Variants in PIP4K2A observed in about 807,000 individuals in gnomAD.
The protein encoded by PIP4K2A is phosphatidylinositol-5-phosphate 4-kinase type 2 alpha.
In PIP4K2A, 14 loss-of-function variants were observed where a neutral mutation model predicts 42.9. The observed-to-expected ratio is 0.33, with a 90% CI of 0.22 to 0.51. The LOEUF (loss-of-function observed/expected upper bound fraction) is 0.51. Among genes scored for constraint, PIP4K2A ranks in the 20% least tolerant of loss-of-function variants. The pLI is 0.97. For synonymous variants in PIP4K2A, 192 were observed against 192.2 expected (o/e 1.00, Z 0.01); for missense variants, 434 against 519.8 (o/e 0.83, Z 1.61).
chr10:22,699,492 G>A (rs1208568723), intron 1 of PIP4K2A, among the ~76,000 whole-genome samples: 1 of 151,784 alleles, frequency 6.6e-6, no homozygotes, highest in Non-Finnish European at 1.5e-5. Flanking sequence ...TAGATACCTG[G>A]GAATGTGCGA....
At chr10:22,574,897 G>A (rs1259623798) in intron 4 of PIP4K2A, among the ~76,000 whole-genome samples, 1 of 152,128 alleles carries the variant, frequency 6.6e-6, no homozygotes, top group Non-Finnish European at 1.5e-5. Flanking sequence ...GGGGTTCTTG[G>A]CCTCTGTAGA....
intron 4 of PIP4K2A, among the ~76,000 whole-genome samples, chr10:22,582,188 T>C (rs939571083): frequency 9.2e-5 from 14 of 152,192 alleles, no homozygotes; most frequent in Admixed American, 8.5e-4. Flanking sequence ...CTCAGAACTT[T>C]TTCCTGTACT....
chr10:22,619,913 AG>A (rs1431163065), intron 1 of PIP4K2A, among the ~76,000 whole-genome samples: 1 of 152,250 alleles, frequency 6.6e-6, no homozygotes, highest in East Asian at 1.9e-4. Context: ...CTGATATCAA[AG>A]GTGAGTAGGA....
At chr10:22,567,695 T>C in intron 6 of PIP4K2A, 156 bp downstream of exon 6, 1 of 778,668 alleles carries the variant, frequency 1.3e-6, no homozygotes, top group Non-Finnish European at 2.4e-6. Flanking sequence ...AGAACTCTCA[T>C]CGGGTCAATA....
chr10:22,555,725 A>G (rs1400277506), intron 6 of PIP4K2A, among the ~76,000 whole-genome samples: 1 of 152,078 alleles, frequency 6.6e-6, no homozygotes, highest in African/African-American at 2.4e-5. Flanking sequence ...GGGTCTTTAA[A>G]CTTAGGATAC....
chr10:22,618,025 A>C (rs45483795), intron 1 of PIP4K2A, among the ~76,000 whole-genome samples: 1 of 152,228 alleles, frequency 6.6e-6, no homozygotes, highest in Non-Finnish European at 1.5e-5. Flanking sequence ...TGACTATTCT[A>C]GATACTACTG....
intron 6 of PIP4K2A, among the ~76,000 whole-genome samples, chr10:22,552,922 G>A (rs1456892012): frequency 6.6e-6 from 1 of 152,146 alleles, no homozygotes; most frequent in Non-Finnish European, 1.5e-5. Flanking sequence ...CCTGAAGGCA[G>A]AGATGACAGA....
chr10:22,604,441 C>T (rs933313672), intron 3 of PIP4K2A, among the ~76,000 whole-genome samples: 5 of 151,806 alleles, frequency 3.3e-5, no homozygotes, highest in Non-Finnish European at 7.4e-5. Context: ...GGTCTGAATA[C>T]GAGATAAACC....
chr10:22,612,996 C>T (rs775794666), intron 1 of PIP4K2A, among the ~76,000 whole-genome samples: 1 of 151,978 alleles, frequency 6.6e-6, no homozygotes, highest in Non-Finnish European at 1.5e-5. Flanking sequence ...TCTTCAAGAA[C>T]GGGAATGTTT....
chr10:22,585,147 C>G (rs1441341647), intron 4 of PIP4K2A, among the ~76,000 whole-genome samples: 1 of 152,156 alleles, frequency 6.6e-6, no homozygotes, highest in Non-Finnish European at 1.5e-5. Context: ...CTTTTATGGT[C>G]CCTATTTTCT....
At chr10:22,618,764 T>C (rs755808450) in intron 1 of PIP4K2A, among the ~76,000 whole-genome samples, 1 of 152,176 alleles carries the variant, frequency 6.6e-6, no homozygotes, top group African/African-American at 2.4e-5. Flanking sequence ...AACACAGTAG[T>C]AGGCTGCCTG....
intron 1 of PIP4K2A, among the ~76,000 whole-genome samples, chr10:22,653,382 C>T (rs1001020114): frequency 1.3e-5 from 2 of 152,124 alleles, no homozygotes; most frequent in Non-Finnish European, 2.9e-5. Context: ...ACCGTAAGAC[C>T]CTGGGCCACT....
chr10:22,627,125 C>T (rs1000139263), intron 1 of PIP4K2A, among the ~76,000 whole-genome samples: 12 of 152,138 alleles, frequency 7.9e-5, no homozygotes, highest in East Asian at 3.8e-4. Flanking sequence ...GAGAATTAGA[C>T]GTCAGAGAAT....
intron 1 of PIP4K2A, among the ~76,000 whole-genome samples, chr10:22,623,062 A>G (rs945902527): frequency 2.0e-5 from 3 of 152,226 alleles, no homozygotes; most frequent in African/African-American, 4.8e-5. Context: ...ACCGGGGCAA[A>G]TAATTATGTA....
chr10:22,666,428 G>A (rs1173216724), intron 1 of PIP4K2A, among the ~76,000 whole-genome samples: 1 of 152,156 alleles, frequency 6.6e-6, no homozygotes, highest in Non-Finnish European at 1.5e-5. Context: ...ATCTACCAAA[G>A]AAAAGGAACA....
rs188700286 is a variant in PIP4K2A, at chr10:22,542,662, C to A, written c.793-615G>T. On this transcript the variant is annotated intron_variant, in intron 7 of 9. Transcript: ENST00000376573. ...CCTGTCCTCCCTCTCCTCCTCCAGC[C>A]GTGGCTAGAACATAATGTGGGGGCA... 2.0e-5 allele frequency among the ~76,000 whole-genome samples: 3 copies of A among 152,340 alleles called. No individual in the cohort carries two copies. In the East Asian group the frequency reaches 5.8e-4, roughly 29 times the overall value.
At chr10:22,677,091 G>T (rs1201250465) in intron 1 of PIP4K2A, among the ~76,000 whole-genome samples, 1 of 152,136 alleles carries the variant, frequency 6.6e-6, no homozygotes, top group Non-Finnish European at 1.5e-5. Context: ...TATCATCTGT[G>T]AATTTCATAT....
intron 1 of PIP4K2A, among the ~76,000 whole-genome samples, chr10:22,659,319 G>A (rs1223222443): frequency 6.6e-6 from 1 of 152,218 alleles, no homozygotes; most frequent in Non-Finnish European, 1.5e-5. Flanking sequence ...ATTTGGCTGG[G>A]TGCAGTGGCT....
At chr10:22,654,158 A>G (rs574892117) in intron 1 of PIP4K2A, among the ~76,000 whole-genome samples, 1 of 152,348 alleles carries the variant, frequency 6.6e-6, no homozygotes, top group South Asian at 2.1e-4. Flanking sequence ...AATATTTCCA[A>G]CTTAATTTTG....
Sources: allele counts gnomAD v4.1 joint callset (sites outside exome capture counted in the v4.1 genomes callset), GRCh38; gene constraint gnomAD v4.1.1; transcripts MANE v1.5; gene names NCBI Gene and HGNC (gene_info 2026-07-23, HGNC 2026-07-21).